PARP11: variants seen among roughly 807,000 people sequenced by gnomAD.
The protein encoded by PARP11 is protein mono-ADP-ribosyltransferase PARP11.
In PARP11, 31 loss-of-function variants were observed where a neutral mutation model predicts 42.9. That is an observed-to-expected ratio of 0.72 (90% CI 0.54 to 0.98). The LOEUF (loss-of-function observed/expected upper bound fraction) is 0.98, where lower values mean the gene tolerates loss of function less well. PARP11 is among the 50% of genes least tolerant of loss of function. The pLI is 0.00. For synonymous variants in PARP11, 137 were observed against 127.3 expected (o/e 1.08, Z -0.51); for missense variants, 365 against 413.1 (o/e 0.88, Z 1.01).
At chr12:3,824,648 T>C (rs1947477628) in intron 4 of PARP11, 1 of 984,140 alleles carries the variant, frequency 1.0e-6, no homozygotes, top group South Asian at 4.7e-5. Flanking sequence ...TCTCTCCTTG[T>C]GCTGTCTTTG....
chr12:3,862,790 C>T (rs924558470), intron 1 of PARP11, among the ~76,000 whole-genome samples: 1 of 151,968 alleles, frequency 6.6e-6, no homozygotes, highest in African/African-American at 2.4e-5. Context: ...ATTAACTTCC[C>T]TAACTTGATG....
In PARP11 at chr12:3,840,793, T is replaced by A. The variant is rs909138127; in HGVS notation, c.19-10775A>T. 4.2e-5 allele frequency: 66 copies of A among 1,580,628 alleles called. 1 individual carries two copies. The African/African-American group carries it at 7.0e-4, about 17-fold the overall frequency. ...ATTGGAGAATATTACTGATGATAAA[T>A]ATGCAACAGTTTCATCACCATCAAA... is the stretch of plus-strand genomic sequence containing the variant. On this transcript the variant is annotated intron_variant, in intron 1 of 7. Coordinates refer to ENST00000228820, the MANE Select transcript of PARP11 (RefSeq NM_020367.6). The surrounding 1 kb of genome is among the most constrained non-coding windows in gnomAD (Gnocchi z 4.4).
intron 1 of PARP11, among the ~76,000 whole-genome samples, chr12:3,850,049 G>A (rs1206794645): frequency 6.6e-6 from 1 of 151,830 alleles, no homozygotes; most frequent in Non-Finnish European, 1.5e-5. Context: ...ATATACAATA[G>A]CAGCATCAAG....
intron 6 of PARP11, 85 bp from the exon 7 acceptor site, chr12:3,814,273 T>C (rs959797617): frequency 3.7e-6 from 4 of 1,088,468 alleles, no homozygotes; most frequent in South Asian, 2.8e-5. Context: ...CAAGGTTCAA[T>C]AGAAAGCGTA....
At chr12:3,838,188 G>A (rs966936877) in intron 1 of PARP11, among the ~76,000 whole-genome samples, 1 of 150,804 alleles carries the variant, frequency 6.6e-6, no homozygotes, top group Admixed American at 6.6e-5. Context: ...ATATTCTTCA[G>A]AATAGGCCAT....
Position 3,840,922 on chromosome 12 carries a change from A to G in PARP11, c.19-10904T>C. ...TCTAGTTTCTCCAGAGGTACATCTA[A>G]CTCCTGCAGTGCCTTCTTTACCAGC... is the stretch of plus-strand genomic sequence containing the variant. On this transcript the variant is annotated intron_variant, in intron 1 of 7. Transcript: ENST00000228820. This position sits in a 1 kb window ranked among gnomAD's most constrained non-coding sequence, Gnocchi z 4.4. 1 of 1,604,224 alleles carries G rather than the reference A, an allele frequency of 6.2e-7. No individual in the cohort carries two copies. The highest frequency in any genetic ancestry group is 8.5e-7 in the Non-Finnish European group (1 of 1,171,164).
Position 3,821,773 on chromosome 12 carries a change from G to GC in PARP11, c.548+99dup, listed in dbSNP as rs1394385837. On this transcript the variant is annotated intron_variant, in intron 6 of 7. Coordinates refer to ENST00000228820, the MANE Select transcript of PARP11 (RefSeq NM_020367.6). ...GTCAAAATACGGCAAGAGAAAAACA[G>GC]CATGTCTACACCACTGAAAATTAAT... is the stretch of plus-strand genomic sequence containing the variant. 9.7e-6 allele frequency: 12 copies of GC among 1,242,802 alleles called. No homozygotes were observed. In the Admixed American group the frequency reaches 2.5e-4, roughly 26 times the overall value. 77.0% of individuals were successfully genotyped at this position (1,242,802 alleles called of 1,614,324 possible).
In PARP11 at chr12:3,811,306, G is replaced by A. The variant is rs1947173279; in HGVS notation, c.*817C>T. ...TGTAGGGACTCTTTTTAAAACAAAA[G>A]GAAAATAAATGTTTGAATAATAATT... On this transcript the variant is annotated 3_prime_UTR_variant, in exon 8 of 8. Transcript: ENST00000228820. 1 of 152,122 alleles carries A rather than the reference G, an allele frequency of 6.6e-6. No individual in the cohort carries two copies. The allele number at this position is 152,122 out of a possible 1,614,324, so 9.4% of individuals were successfully genotyped here.
intron 1 of PARP11, chr12:3,872,928 AAAC>A (rs936423197): frequency 6.4e-4 from 175 of 274,322 alleles, no homozygotes; most frequent in African/African-American, 2.5e-3. Flanking sequence ...TCCGTCTCAA[AAAC>A]AACAACAACA....
At chr12:3,863,269 C>A (rs1377505645) in intron 1 of PARP11, among the ~76,000 whole-genome samples, 1 of 152,136 alleles carries the variant, frequency 6.6e-6, no homozygotes, top group Admixed American at 6.5e-5. Context: ...TTTAAAGATT[C>A]CATTAGATTT....
intron 1 of PARP11, among the ~76,000 whole-genome samples, chr12:3,844,045 C>A (rs1947947887): frequency 6.6e-6 from 1 of 152,152 alleles, no homozygotes. Context: ...TCTCTGATAA[C>A]CTATGGGAAT....
chr12:3,872,708 C>T (rs1379186694), intron 1 of PARP11: 1 of 985,338 alleles, frequency 1.0e-6, no homozygotes, highest in African/African-American at 1.7e-5. Flanking sequence ...TTGCTTTAGA[C>T]TGGTGGGACT....
At chr12:3,844,132 A>T (rs1947950762) in intron 1 of PARP11, among the ~76,000 whole-genome samples, 1 of 152,198 alleles carries the variant, frequency 6.6e-6, no homozygotes, top group African/African-American at 2.4e-5. Flanking sequence ...TGTTTTAATT[A>T]CCTAACGTCC....
intron 1 of PARP11, chr12:3,841,148 G>A (rs1947880720): frequency 6.2e-7 from 1 of 1,604,080 alleles, no homozygotes; most frequent in African/African-American, 1.3e-5. Context: ...CAGACATTGA[G>A]CCTTTATCAA....
intron 6 of PARP11, 47 bp from the exon 7 acceptor site, chr12:3,814,235 A>G (rs761397585): frequency 7.0e-7 from 1 of 1,425,220 alleles, no homozygotes; most frequent in South Asian, 1.6e-5. Flanking sequence ...GAAATATACC[A>G]TAAGTAGCAT....
At chr12:3,816,917 C>T (rs1016542266) in intron 6 of PARP11, among the ~76,000 whole-genome samples, 2 of 152,116 alleles carry the variant, frequency 1.3e-5, no homozygotes, top group African/African-American at 2.4e-5. Flanking sequence ...GAAGGCCAGG[C>T]GCAGAGGCTC....
chr12:3,817,135 G>A (rs11613447), intron 6 of PARP11, among the ~76,000 whole-genome samples: 29,198 of 151,788 alleles, frequency 0.19, 3,446 homozygotes, highest in East Asian at 0.36. Flanking sequence ...AACTTGCAGT[G>A]AGCTGAGATC....
chr12:3,871,795 A>C lies in PARP11; in HGVS notation c.18+1417T>G, dbSNP rs554686667. ...TTGGGGCTCAGAAAATACTACCCCG[A>C]AGTATGACACTTTGGCATGCTGAAT... On this transcript the variant is annotated intron_variant, in intron 1 of 7. Coordinates refer to ENST00000228820, the MANE Select transcript of PARP11 (RefSeq NM_020367.6). 15 of 152,322 alleles carry C rather than the reference A, an allele frequency of 9.8e-5. No individual in the cohort carries two copies. The South Asian group carries it at 2.9e-3, about 29-fold the overall frequency. The allele number at this position is 152,322 out of a possible 1,614,324, so 9.4% of individuals were successfully genotyped here.
intron 1 of PARP11, among the ~76,000 whole-genome samples, chr12:3,835,849 G>T (rs1269206007): frequency 1.3e-5 from 2 of 151,860 alleles, no homozygotes; most frequent in Admixed American, 6.6e-5. Flanking sequence ...TGAAATGCAA[G>T]AAAGGAAAGA....
Sources: allele counts gnomAD v4.1 joint callset (sites outside exome capture counted in the v4.1 genomes callset), GRCh38; gene constraint gnomAD v4.1.1; non-coding constraint Gnocchi (gnomAD v3.1); transcripts MANE v1.5; gene names NCBI Gene and HGNC (gene_info 2026-07-23, HGNC 2026-07-21).